The following GABPB2 variants were observed in gnomAD, a reference collection of about 807,000 sequenced individuals.
GABPB2 encodes GA binding protein transcription factor subunit beta 2.
A neutral mutation model predicts 39.1 loss-of-function variants in GABPB2; 23 were observed. That is an observed-to-expected ratio of 0.59 (90% CI 0.42 to 0.83). The LOEUF (loss-of-function observed/expected upper bound fraction) is 0.83. Among genes scored for constraint, GABPB2 ranks in the 40% least tolerant of loss-of-function variants. The probability of loss-of-function intolerance (pLI) is 0.00; values close to 1 mark genes in which losing one functional copy is unlikely to be tolerated. For synonymous variants in GABPB2, 184 were observed against 199.3 expected, an observed-to-expected ratio of 0.92 and a Z score of 0.65; for missense variants, 467 against 541.1, an observed-to-expected ratio of 0.86 and a Z score of 1.36.
intron 7 of GABPB2, among the ~76,000 whole-genome samples, chr1:151,111,755 C>G (rs1353891257): frequency 6.7e-6 from 1 of 149,530 alleles, no homozygotes; most frequent in Non-Finnish European, 1.5e-5. Flanking sequence ...ACCATGGTCT[C>G]GAACTCCTGA....
chr1:151,094,043 C>CTTTTTT (rs59092942), intron 4 of GABPB2, among the ~76,000 whole-genome samples: 12 of 54,016 alleles, frequency 2.2e-4, no homozygotes, highest in Non-Finnish European at 3.6e-4. Context: ...TGATTTCGTC[C>CTTTTTT]TTTTTTTTTT....
intron 7 of GABPB2, among the ~76,000 whole-genome samples, chr1:151,109,510 C>T (rs902607011): frequency 6.6e-6 from 1 of 151,144 alleles, no homozygotes; most frequent in Non-Finnish European, 1.5e-5. Flanking sequence ...AGGTGTGTGC[C>T]ACCACGCCCG....
In GABPB2 at chr1:151,085,091, C is replaced by T. The variant is rs1678065481; in HGVS notation, c.1-3099C>T. Among the ~76,000 whole-genome samples the T allele has an allele frequency of 2.0e-5, 3 of 151,570 alleles. No individual in the cohort carries two copies. In the Admixed American group the frequency reaches 2.0e-4, roughly 10 times the overall value. ...CAGCCTGGGTGACAGAGCAAGAACCCGTCTCAAAAATAATAAAATAAAATG... is the reference window on the plus strand; with the variant it reads ...CAGCCTGGGTGACAGAGCAAGAACCTGTCTCAAAAATAATAAAATAAAATG... On this transcript the variant is annotated intron_variant, in intron 1 of 8. Transcript: ENST00000368918.
At chr1:151,075,563 CAAAAAAAAAA>C (rs35110350) in intron 1 of GABPB2, among the ~76,000 whole-genome samples, 88 of 44,272 alleles carry the variant, frequency 2.0e-3, no homozygotes, top group Admixed American at 3.9e-3. Context: ...GACTTTGTCT[CAAAAAAAAAA>C]AAAAAAAAAA....
rs1004488987 is a variant in GABPB2, at chr1:151,110,155, C to T, written c.922+2933C>T. Reference sequence around the variant, plus strand: ...GGGATTACAGGTGTGAGTCACGACCCCTGGTCTTTTTTTATTTTTTGTACA... The same window carrying T: ...GGGATTACAGGTGTGAGTCACGACCTCTGGTCTTTTTTTATTTTTTGTACA... On this transcript the variant is annotated intron_variant, in intron 7 of 8. Transcript: ENST00000368918. 1.7e-4 allele frequency among the ~76,000 whole-genome samples: 26 copies of T among 151,380 alleles called. 1 individual carries two copies. The Admixed American group carries it at 1.7e-3, about 10-fold the overall frequency.
intron 1 of GABPB2, among the ~76,000 whole-genome samples, chr1:151,071,306 A>G (rs1289821005): frequency 6.6e-6 from 1 of 152,154 alleles, no homozygotes; most frequent in Non-Finnish European, 1.5e-5. Context: ...TCTTTCAGAC[A>G]GACATTGGTG....
intron 6 of GABPB2, among the ~76,000 whole-genome samples, chr1:151,104,802 T>TTTCTTTTTTTCTTTCTTTC (rs10638922): frequency 7.2e-4 from 101 of 139,442 alleles, no homozygotes; most frequent in Middle Eastern, 6.9e-3. Flanking sequence ...TCTTTCTTTC[T>TTTCTTTTTTTCTTTCTTTC]TTTCTTTCTT....
intron 1 of GABPB2, among the ~76,000 whole-genome samples, chr1:151,084,841 C>T (rs587622107): frequency 3.3e-5 from 5 of 151,826 alleles, no homozygotes; most frequent in African/African-American, 4.8e-5. Context: ...GCCAGCTGTT[C>T]ATTTTTAAAA....
intron 4 of GABPB2, among the ~76,000 whole-genome samples, chr1:151,095,947 C>T (rs1157341735): frequency 6.7e-6 from 1 of 149,304 alleles, no homozygotes; most frequent in Non-Finnish European, 1.5e-5. Flanking sequence ...GCAGGAGAAT[C>T]GGTTGAACTT....
chr1:151,098,077 G>T, intron 5 of GABPB2, 75 bp downstream of exon 5: 1 of 1,266,762 alleles, frequency 7.9e-7, no homozygotes, highest in South Asian at 1.3e-5. Context: ...GGAGATGAAT[G>T]GATACCCTTT....
At chr1:151,114,660 T>C (rs1046224983) in intron 7 of GABPB2, among the ~76,000 whole-genome samples, 11 of 151,182 alleles carry the variant, frequency 7.3e-5, no homozygotes, top group Admixed American at 7.3e-4. Flanking sequence ...ATTGTGCCAC[T>C]GTACTCCACC....
In GABPB2 at chr1:151,093,317, C is replaced by T; in HGVS notation, c.402C>T (p.Ser134=). The T allele has an allele frequency of 6.2e-7, 1 of 1,611,792 alleles. No individual in the cohort carries two copies. The highest frequency in any genetic ancestry group is 1.7e-5 in the Admixed American group (1 of 59,538). The change falls in exon 4 of 9, where the codon AGC becomes AGT. Residue 134 remains serine, a synonymous_variant. Transcript: ENST00000368918. ...IKYGADVHAF[S]KFDKSAFDIA... is the part of the protein sequence containing the mutation. ...ATGGAGCTGATGTCCATGCTTTCAG[C>T]AAATTTGATAAATCAGCCTTTGACA...
At chr1:151,108,891 G>A (rs587770448) in intron 7 of GABPB2, among the ~76,000 whole-genome samples, 2 of 152,204 alleles carry the variant, frequency 1.3e-5, no homozygotes, top group Admixed American at 1.3e-4. Flanking sequence ...AAAAATACTG[G>A]AGGTTGGCCA....
At chr1:151,117,292 C>T in intron 7 of GABPB2, 100 bp from the exon 8 acceptor site, 8 of 1,291,162 alleles carry the variant, frequency 6.2e-6, no homozygotes, top group Non-Finnish European at 8.7e-6. Context: ...CTGTACCCAA[C>T]CTAGAATATA....
At chr1:151,110,521 G>A (rs371497423) in intron 7 of GABPB2, among the ~76,000 whole-genome samples, 2 of 151,926 alleles carry the variant, frequency 1.3e-5, no homozygotes, top group South Asian at 4.2e-4. Flanking sequence ...TTATTTAGAG[G>A]TGCAATCTCA....
At chr1:151,084,070 A>G (rs1677953863) in intron 1 of GABPB2, among the ~76,000 whole-genome samples, 1 of 149,372 alleles carries the variant, frequency 6.7e-6, no homozygotes. Context: ...AAAAAAATAT[A>G]TATATTTTTT....
At chr1:151,107,500 C>CTT (rs764912164) in intron 7 of GABPB2, among the ~76,000 whole-genome samples, 135 of 143,126 alleles carry the variant, frequency 9.4e-4, no homozygotes, top group African/African-American at 3.2e-3. Context: ...ACTGATGGCT[C>CTT]TTTTTTTTTT....
intron 7 of GABPB2, among the ~76,000 whole-genome samples, chr1:151,110,160 T>C (rs1323529808): frequency 6.6e-6 from 1 of 151,598 alleles, no homozygotes; most frequent in Non-Finnish European, 1.5e-5. Flanking sequence ...CGACCCCTGG[T>C]CTTTTTTTAT....
intron 4 of GABPB2, 53 bp downstream of exon 4, chr1:151,093,439 T>G (rs1678872558): frequency 1.4e-6 from 2 of 1,415,140 alleles, no homozygotes; most frequent in Non-Finnish European, 1.9e-6. Flanking sequence ...GTTAAGGATT[T>G]TTTTGTAGGA....
Sources: allele counts gnomAD v4.1 joint callset (sites outside exome capture counted in the v4.1 genomes callset), GRCh38; gene constraint gnomAD v4.1.1; transcripts MANE v1.5; gene names NCBI Gene and HGNC (gene_info 2026-07-23, HGNC 2026-07-21).